The following DTNA variants were observed in gnomAD, a reference collection of about 807,000 sequenced individuals.
DTNA encodes the protein dystrobrevin alpha.
In DTNA, 43 loss-of-function variants were observed where a neutral mutation model predicts 100.7. The ratio of observed to expected loss-of-function variants is 0.43; its 90% CI spans 0.33 to 0.55. The LOEUF is 0.55. Among genes scored for constraint, DTNA ranks in the 20% least tolerant of loss-of-function variants. The pLI is 0.04. For missense variants in DTNA, 798 were observed against 953.9 expected, an observed-to-expected ratio of 0.84 and a Z score of 2.15; for synonymous variants, 349 against 347.9, an observed-to-expected ratio of 1.00 and a Z score of -0.04.
intron 1 of DTNA, among the ~76,000 whole-genome samples, chr18:34,745,216 C>T (rs1291322822): frequency 1.3e-5 from 2 of 151,996 alleles, no homozygotes; most frequent in East Asian, 1.9e-4. Flanking sequence ...TCTCCCCTTC[C>T]CAACTCTCCA....
chr18:34,577,568 CTT>C (rs926201213), intron 1 of DTNA, among the ~76,000 whole-genome samples: 1 of 152,078 alleles, frequency 6.6e-6, no homozygotes, highest in African/African-American at 2.4e-5. Context: ...CATTTGTAGT[CTT>C]TTATCCCTCA....
intron 1 of DTNA, chr18:34,593,412 T>C (rs1178345231): frequency 6.6e-6 from 1 of 152,246 alleles, no homozygotes; most frequent in East Asian, 1.9e-4. Context: ...AGTTCTGTTA[T>C]GATCTCTGTT....
rs116461340 is a variant in DTNA, at chr18:34,829,818, C to G, written c.1175+329C>G. 8.9e-3 allele frequency among the ~76,000 whole-genome samples: 1,350 copies of G among 152,302 alleles called. 28 individuals are homozygous for G. The highest frequency in any genetic ancestry group is 0.031 in the African/African-American group (1,273 of 41,558). On this transcript the variant is annotated intron_variant, in intron 11 of 22. Transcript: ENST00000444659. Reference sequence around the variant, plus strand: ...AAAACCCAGATGGTAATTTCTAAGACTCTTGAATTAAGGAGTCTGTTGGAA... The same window carrying G: ...AAAACCCAGATGGTAATTTCTAAGAGTCTTGAATTAAGGAGTCTGTTGGAA...
In DTNA at chr18:34,504,385, A is replaced by G. The variant is rs568929930; in HGVS notation, c.-2+10871A>G. Reference sequence around the variant, plus strand: ...GTTATAATTTTTGCTTCAACAAGCAAAGAAGGAAGGTCTGTTGCATTTATT... The same window carrying G: ...GTTATAATTTTTGCTTCAACAAGCAGAGAAGGAAGGTCTGTTGCATTTATT... On this transcript the variant is annotated intron_variant, in intron 1 of 19. Coordinates refer to the DTNA transcript ENST00000283365. Among the ~76,000 whole-genome samples, 3 of 152,332 alleles carry G rather than the reference A, an allele frequency of 2.0e-5. No homozygotes were observed. In the South Asian group the frequency reaches 6.2e-4, roughly 32 times the overall value.
intron 3 of DTNA, among the ~76,000 whole-genome samples, chr18:34,774,147 G>A (rs976138338): frequency 2.6e-5 from 4 of 152,228 alleles, no homozygotes; most frequent in East Asian, 1.9e-4. Context: ...AGTTGGGAAA[G>A]AGTGATGCAT....
chr18:34,555,719 G>A (rs1016885908), intron 1 of DTNA, among the ~76,000 whole-genome samples: 1 of 152,268 alleles, frequency 6.6e-6, no homozygotes, highest in South Asian at 2.1e-4. Flanking sequence ...GTTCTAGTTT[G>A]ATTGCACTGT....
chr18:34,607,414 G>A (rs558474538), intron 1 of DTNA, among the ~76,000 whole-genome samples: 6 of 152,334 alleles, frequency 3.9e-5, no homozygotes, highest in South Asian at 4.1e-4. Flanking sequence ...CAGATTTCAT[G>A]ATGCCTAGTT....
intron 1 of DTNA, among the ~76,000 whole-genome samples, chr18:34,545,712 T>C (rs2044709259): frequency 6.6e-6 from 1 of 152,088 alleles, no homozygotes; most frequent in Non-Finnish European, 1.5e-5. Flanking sequence ...TGCCCAACTC[T>C]AAGATTTTAT....
At chr18:34,694,601 T>C (rs767211947) in intron 1 of DTNA, among the ~76,000 whole-genome samples, 16 of 152,204 alleles carry the variant, frequency 1.1e-4, no homozygotes, top group Non-Finnish European at 2.1e-4. Flanking sequence ...CTTTTGTCTG[T>C]GTATAATATG....
At chr18:34,550,417 AAGTAGAAAC>A (rs2045282953) in intron 1 of DTNA, among the ~76,000 whole-genome samples, 1 of 152,174 alleles carries the variant, frequency 6.6e-6, no homozygotes, top group Non-Finnish European at 1.5e-5. Context: ...CACCCAAAGC[AAGTAGAAAC>A]AGTTACTGGA....
chr18:34,586,941 T>C (rs1461651284), intron 1 of DTNA, among the ~76,000 whole-genome samples: 4 of 151,756 alleles, frequency 2.6e-5, no homozygotes, highest in Admixed American at 6.6e-5. Context: ...CCCCAGGGTA[T>C]AGAAAAAATA....
rs114406239 is a variant in DTNA, at chr18:34,872,428, C to T, written c.1744-2811C>T. On this transcript the variant is annotated intron_variant, in intron 17 of 22. Transcript: ENST00000444659. ...GACATTAAAGTAGTGAAATATGGTC[C>T]ATAGCCCCATATCTCAAATCACTAG... 5.4e-3 allele frequency among the ~76,000 whole-genome samples: 823 copies of T among 152,278 alleles called. 10 individuals are homozygous for T. The highest frequency in any genetic ancestry group is 0.019 in the African/African-American group (793 of 41,546).
chr18:34,626,449 TA>T (rs200011734), intron 1 of DTNA, among the ~76,000 whole-genome samples: 530 of 146,868 alleles, frequency 3.6e-3, no homozygotes, highest in African/African-American at 9.1e-3. Flanking sequence ...GTCCTGAAGT[TA>T]AAAAAAAAAA....
At chr18:34,708,911 G>T (rs1471418671), upstream of DTNA, among the ~76,000 whole-genome samples, 1 of 152,126 alleles carries the variant, frequency 6.6e-6, no homozygotes. Flanking sequence ...TAAACTGAGG[G>T]TTAGAGAGGT....
chr18:34,595,822 G>C (rs192870800), intron 1 of DTNA, among the ~76,000 whole-genome samples: 33 of 152,300 alleles, frequency 2.2e-4, no homozygotes, highest in African/African-American at 7.2e-4. Flanking sequence ...GCACCTGGGG[G>C]CGATATCAGA....
At chr18:34,593,169 T>G (rs2049937597) in intron 1 of DTNA, 1 of 152,050 alleles carries the variant, frequency 6.6e-6, no homozygotes, top group African/African-American at 2.4e-5. Context: ...TAGAGACAGG[T>G]AAAAAGACAG....
chr18:34,854,525 ACAATCATTTTATCTGCTGTTGG>A (rs1384165877), intron 15 of DTNA, among the ~76,000 whole-genome samples: 21 of 152,350 alleles, frequency 1.4e-4, no homozygotes, highest in Non-Finnish European at 2.6e-4. Context: ...AGTGATAAAA[ACAATCATTTTATCTGCTGTTGG>A]AAGGCTGTGC....
intron 1 of DTNA, among the ~76,000 whole-genome samples, chr18:34,524,207 C>A (rs530612908): frequency 6.6e-6 from 1 of 152,250 alleles, no homozygotes; most frequent in African/African-American, 2.4e-5. Flanking sequence ...AATAAAATAA[C>A]AGCAATAAAT....
chr18:34,884,893 C>G, intron 22 of DTNA, 117 bp downstream of exon 22: 3 of 1,208,034 alleles, frequency 2.5e-6, no homozygotes, highest in Non-Finnish European at 3.7e-6. Context: ...ATAAAATACC[C>G]TCCTTAACTG....
Sources: gnomAD v4.1 joint callset for allele counts (sites outside exome capture counted in the v4.1 genomes callset) on GRCh38, gnomAD v4.1.1 for gene constraint, MANE v1.5 for transcripts, NCBI Gene and HGNC (gene_info 2026-07-23, HGNC 2026-07-21) for gene names.